SLC35F1: variants seen among roughly 807,000 people sequenced by gnomAD.
SLC35F1 encodes the protein chromosome 6 open reading frame 169.
A neutral mutation model predicts 48.7 loss-of-function variants in SLC35F1; 14 were observed. The observed-to-expected ratio is 0.29, with a 90% CI of 0.19 to 0.45. The LOEUF (loss-of-function observed/expected upper bound fraction) is 0.45. Ranked by LOEUF, SLC35F1 falls within the 20% of genes least tolerant of loss-of-function variation. The probability of loss-of-function intolerance (pLI) is 1.00; values close to 1 mark genes in which losing one functional copy is unlikely to be tolerated. For missense variants in SLC35F1, 404 were observed against 500.0 expected, an observed-to-expected ratio of 0.81 and a Z score of 1.83; for synonymous variants, 190 against 202.2, an observed-to-expected ratio of 0.94 and a Z score of 0.51.
intron 4 of SLC35F1, among the ~76,000 whole-genome samples, chr6:118,269,770 C>A (rs1410639460): frequency 2.6e-5 from 4 of 152,038 alleles, no homozygotes; most frequent in Non-Finnish European, 5.9e-5. Flanking sequence ...CCAGGCCAGG[C>A]ACATTCAGAA....
intron 1 of SLC35F1, among the ~76,000 whole-genome samples, chr6:117,997,054 A>T (rs1280426276): frequency 6.6e-6 from 1 of 152,186 alleles, no homozygotes; most frequent in Non-Finnish European, 1.5e-5. Context: ...TATAACTAGA[A>T]TAACCAATAC....
Position 118,307,050 on chromosome 6 carries a change from T to C in SLC35F1, c.1003-6978T>C, listed in dbSNP as rs567300932. ...AGCACAGCCTTGCCCTGGGTGATAG[T>C]GTAGGCACACAGAGGCCAAGGGCCA... On this transcript the variant is annotated intron_variant, in intron 7 of 7. Coordinates refer to ENST00000360388, the MANE Select transcript of SLC35F1 (RefSeq NM_001029858.4). Among the ~76,000 whole-genome samples the C allele has an allele frequency of 1.3e-4, 20 of 152,374 alleles. No individual in the cohort carries two copies. In the South Asian group the frequency reaches 3.7e-3, roughly 28 times the overall value.
chr6:118,278,569 C>G (rs1321292636), intron 6 of SLC35F1, among the ~76,000 whole-genome samples: 7 of 152,240 alleles, frequency 4.6e-5, no homozygotes, highest in Non-Finnish European at 4.4e-5. Flanking sequence ...TAGGGTTTCT[C>G]TCTAGTGACT....
At chr6:118,078,067 T>TA (rs1176727382) in intron 1 of SLC35F1, among the ~76,000 whole-genome samples, 1 of 152,178 alleles carries the variant, frequency 6.6e-6, no homozygotes, top group Non-Finnish European at 1.5e-5. Context: ...CCTTTTTTTT[T>TA]AATGGCTTCT....
intron 2 of SLC35F1, among the ~76,000 whole-genome samples, chr6:118,203,457 G>A (rs1582727693): frequency 6.6e-6 from 1 of 152,362 alleles, no homozygotes; most frequent in East Asian, 1.9e-4. Flanking sequence ...GTGGCTTGCT[G>A]TAGTCTCTTT....
chr6:118,134,879 C>G (rs929172315), intron 1 of SLC35F1, among the ~76,000 whole-genome samples: 1 of 152,210 alleles, frequency 6.6e-6, no homozygotes, highest in Non-Finnish European at 1.5e-5. Flanking sequence ...CCTCCCCTTC[C>G]TTCTACTCCC....
intron 2 of SLC35F1, among the ~76,000 whole-genome samples, chr6:118,226,008 A>G (rs1455169309): frequency 6.6e-6 from 1 of 152,212 alleles, no homozygotes; most frequent in African/African-American, 2.4e-5. Flanking sequence ...AAACAGTTAT[A>G]TATAAACAAC....
At chr6:117,934,169 A>G (rs1776136234) in intron 1 of SLC35F1, among the ~76,000 whole-genome samples, 1 of 152,106 alleles carries the variant, frequency 6.6e-6, no homozygotes, top group Non-Finnish European at 1.5e-5. Context: ...CAACTTTTTA[A>G]CCGCTCCTTG....
At chr6:117,978,325 A>T (rs1228408046) in intron 1 of SLC35F1, among the ~76,000 whole-genome samples, 1 of 152,222 alleles carries the variant, frequency 6.6e-6, no homozygotes, top group Non-Finnish European at 1.5e-5. Flanking sequence ...AAAGAAAATA[A>T]ATCTTACCAG....
At chr6:117,997,573 C>A (rs979528073) in intron 1 of SLC35F1, among the ~76,000 whole-genome samples, 1 of 152,202 alleles carries the variant, frequency 6.6e-6, no homozygotes, top group African/African-American at 2.4e-5. Flanking sequence ...AACAGTGGAT[C>A]TCTCAGCAGA....
intron 1 of SLC35F1, among the ~76,000 whole-genome samples, chr6:117,946,574 C>T (rs1776297936): frequency 6.6e-6 from 1 of 152,182 alleles, no homozygotes; most frequent in Non-Finnish European, 1.5e-5. Context: ...ATATATCTCT[C>T]TTTGAGATGA....
At chr6:118,227,288 TG>T (rs1269934328) in intron 2 of SLC35F1, among the ~76,000 whole-genome samples, 1 of 152,206 alleles carries the variant, frequency 6.6e-6, no homozygotes, top group Non-Finnish European at 1.5e-5. Context: ...AACCGGCACA[TG>T]TAGAAAACTG....
At chr6:117,976,796 T>A (rs1251205628) in intron 1 of SLC35F1, among the ~76,000 whole-genome samples, 1 of 152,192 alleles carries the variant, frequency 6.6e-6, no homozygotes. Context: ...AGGAAAACAA[T>A]AATTGCTCCA....
At chr6:118,307,210 G>A (rs942553893) in intron 7 of SLC35F1, among the ~76,000 whole-genome samples, 3 of 152,118 alleles carry the variant, frequency 2.0e-5, no homozygotes, top group Non-Finnish European at 2.9e-5. Flanking sequence ...TAAGGCACTC[G>A]TTTGTTTATT....
intron 1 of SLC35F1, among the ~76,000 whole-genome samples, chr6:117,946,497 G>A (rs1562245257): frequency 6.6e-6 from 1 of 152,158 alleles, no homozygotes. Context: ...ATGACATTTA[G>A]TCCAGTGTTC....
chr6:117,964,558 T>G (rs1426683607), intron 1 of SLC35F1, among the ~76,000 whole-genome samples: 1 of 152,224 alleles, frequency 6.6e-6, no homozygotes, highest in Non-Finnish European at 1.5e-5. Context: ...GAGTGAGGCC[T>G]AGGCCTCTCC....
chr6:117,984,100 A>G (rs1776817411), intron 1 of SLC35F1, among the ~76,000 whole-genome samples: 1 of 152,228 alleles, frequency 6.6e-6, no homozygotes, highest in Non-Finnish European at 1.5e-5. Flanking sequence ...TATATTTGAT[A>G]GTAACACAAC....
At chr6:118,009,320 T>G (rs1254477846) in intron 1 of SLC35F1, among the ~76,000 whole-genome samples, 1 of 152,118 alleles carries the variant, frequency 6.6e-6, no homozygotes, top group African/African-American at 2.4e-5. Context: ...TTAGGTTTAT[T>G]TTACAGGTGG....
chr6:117,907,455 TG>T lies in SLC35F1; in HGVS notation c.-268del, dbSNP rs1775700392. 1 of 236,558 alleles carries T rather than the reference TG, an allele frequency of 4.2e-6. No homozygotes were observed. Among genetic ancestry groups the T allele is most frequent in the Non-Finnish European group, 8.0e-6 (1 of 125,496 alleles). The allele number at this position is 236,558 out of a possible 1,614,324, so 14.7% of individuals were successfully genotyped here. ...CCACTTCGCGGGGCGGGCCAGGACTTGGGGACGCGGCTCGGGAAGAGCCGGG... is the reference window on the plus strand; with the variant it reads ...CCACTTCGCGGGGCGGGCCAGGACTTGGGACGCGGCTCGGGAAGAGCCGGG... On this transcript the variant is annotated 5_prime_UTR_variant, in exon 1 of 8. Coordinates refer to ENST00000360388, the MANE Select transcript of SLC35F1 (RefSeq NM_001029858.4).
Sources: allele counts gnomAD v4.1 joint callset (sites outside exome capture counted in the v4.1 genomes callset), GRCh38; gene constraint gnomAD v4.1.1; transcripts MANE v1.5; gene names NCBI Gene and HGNC (gene_info 2026-07-23, HGNC 2026-07-21).